Variants in MAN2A2 observed in about 807,000 individuals in gnomAD.
MAN2A2 encodes alpha-mannosidase 2x.
A neutral mutation model predicts 126.8 loss-of-function variants in MAN2A2; 79 were observed. The observed-to-expected ratio is 0.62, with a 90% CI of 0.52 to 0.75. The LOEUF (loss-of-function observed/expected upper bound fraction) is 0.75, where lower values mean the gene tolerates loss of function less well. Among genes scored for constraint, MAN2A2 ranks in the 30% least tolerant of loss-of-function variants. The probability of loss-of-function intolerance (pLI) is 0.00; values close to 1 mark genes in which losing one functional copy is unlikely to be tolerated. For synonymous variants in MAN2A2, 671 were observed against 618.7 expected (o/e 1.08, Z -1.25); for missense variants, 1,392 against 1,522.4 (o/e 0.91, Z 1.43).
At chr15:90,913,571 A>C in intron 18 of MAN2A2, 43 bp from the exon 19 acceptor site, 1 of 1,587,742 alleles carries the variant, frequency 6.3e-7, no homozygotes, top group Non-Finnish European at 8.6e-7. Flanking sequence ...TTGGGCCCAC[A>C]TGGTGCCCGG....
chr15:90,910,438 G>T (rs2034634039), intron 10 of MAN2A2, 63 bp from the exon 11 acceptor site: 1 of 1,593,532 alleles, frequency 6.3e-7, no homozygotes. Flanking sequence ...GGCTGCACTG[G>T]CAGAGTGTGG....
rs2035361084 is a variant in MAN2A2, at chr15:90,918,552, C to G, written c.3190-93C>G. 4.1e-6 allele frequency: 5 copies of G among 1,208,440 alleles called. No homozygotes were observed. The East Asian group carries it at 1.2e-4, about 29-fold the overall frequency. The allele number at this position is 1,208,440 out of a possible 1,614,324, so 74.9% of individuals were successfully genotyped here. On this transcript the variant is annotated intron_variant, in intron 21 of 22. Transcript: ENST00000559717. The stretch of plus-strand genomic sequence containing the variant: ...GGCCTTTCCTTACCCACACGCCTCC[C>G]TGTGCCAGCACTGCCTCTGGGCAGA...
intron 5 of MAN2A2, 123 bp from the exon 6 acceptor site, chr15:90,906,247 C>T (rs1048150756): frequency 7.2e-7 from 1 of 1,391,270 alleles, no homozygotes. Context: ...TGTGTGTTCT[C>T]TTGGTCCTGG....
intron 21 of MAN2A2, 45 bp downstream of exon 21, chr15:90,918,433 G>A (rs1363907368): frequency 1.3e-6 from 2 of 1,580,106 alleles, no homozygotes; most frequent in African/African-American, 1.3e-5. Context: ...AGTTCTGATG[G>A]TGTCCCTCCC....
At chr15:90,913,252 C>T in intron 17 of MAN2A2, 21 bp from the exon 18 acceptor site, 1 of 1,612,774 alleles carries the variant, frequency 6.2e-7, no homozygotes, top group Non-Finnish European at 8.5e-7. Flanking sequence ...GTCCATGCCC[C>T]CACTTTGTTC....
Position 90,916,141 on chromosome 15 carries a change from TG to T in MAN2A2, c.2881del (p.Asp961ThrfsTer4), listed in dbSNP as rs1323928499. ...TCCCCAGGCCAGCTGGAGGTGATCT[TG>T]GACCGGCGGCTGATGCAGGATGACA... ...SLKDGQLEVI[L>X]DRRLMQDDNR... On this transcript the variant is annotated frameshift_variant, in exon 20 of 23. Coordinates refer to ENST00000559717, the MANE Select transcript of MAN2A2 (RefSeq NM_006122.4). LOFTEE classifies it high-confidence loss of function. 6.2e-7 allele frequency: 1 copy of T among 1,613,924 alleles called. No homozygotes were observed. Among genetic ancestry groups the T allele is most frequent in the Non-Finnish European group, 8.5e-7 (1 of 1,180,014 alleles).
intron 20 of MAN2A2, chr15:90,916,616 T>G (rs1596177600): frequency 7.6e-7 from 1 of 1,313,008 alleles, no homozygotes; most frequent in East Asian, 5.0e-5. Flanking sequence ...GGCAGCCATG[T>G]TTAGGGGCTT....
At chr15:90,912,382 C>A in intron 15 of MAN2A2, 103 bp downstream of exon 15, 1 of 1,562,166 alleles carries the variant, frequency 6.4e-7, no homozygotes, top group East Asian at 2.2e-5. Context: ...CATTCTGCCA[C>A]CTGACCCACA....
At position 90,920,265 on chromosome 15, in the gene MAN2A2, A is replaced by T. The variant is rs2035484348; in HGVS notation, c.*478A>T. On this transcript the variant is annotated 3_prime_UTR_variant, in exon 23 of 23. Coordinates refer to ENST00000559717, the MANE Select transcript of MAN2A2 (RefSeq NM_006122.4). ...TGGTGTGATGAGCAGGATCAGAGTG[A>T]CTCTGGGAGGACAGGGGTGGGGACC... The T allele has an allele frequency of 6.4e-6, 1 of 156,092 alleles. No homozygotes were observed. The highest frequency in any genetic ancestry group is 2.4e-5 in the African/African-American group (1 of 41,530). 9.7% of individuals were successfully genotyped at this position (156,092 alleles called of 1,614,324 possible).
intron 20 of MAN2A2, chr15:90,916,707 G>C (rs1443355179): frequency 7.9e-7 from 1 of 1,269,682 alleles, no homozygotes; most frequent in Non-Finnish European, 1.0e-6. Flanking sequence ...GCAAGGTGTA[G>C]CTGCGCCAGA....
chr15:90,918,537 T>C, intron 21 of MAN2A2, 108 bp from the exon 22 acceptor site: 1 of 1,207,064 alleles, frequency 8.3e-7, no homozygotes, highest in Non-Finnish European at 1.2e-6. Context: ...GGCCTTTCCT[T>C]ACCCACACGC....
At position 90,922,454 on chromosome 15, in the gene MAN2A2, G is replaced by A. The variant is rs1202226981; in HGVS notation, c.*2667G>A. 1 of 152,196 alleles carries A rather than the reference G, an allele frequency of 6.6e-6. No homozygotes were observed. Among genetic ancestry groups the A allele is most frequent in the Non-Finnish European group, 1.5e-5 (1 of 68,038 alleles). The allele number at this position is 152,196 out of a possible 1,614,324, so 9.4% of individuals were successfully genotyped here. A position where few individuals can be genotyped will look rare whatever the true frequency, so the allele number is the denominator to read the frequency against. ...ACAAATGTGAGCTATAATCCTACTA[G>A]TAAAGGATGCTAAGCAGTTCCACTG... is the stretch of plus-strand genomic sequence containing the variant. On this transcript the variant is annotated 3_prime_UTR_variant, in exon 23 of 23. Transcript: ENST00000559717.
rs565168683 is a variant in MAN2A2 at position 90,920,064 on chromosome 15, A to G, written c.*277A>G. On this transcript the variant is annotated 3_prime_UTR_variant, in exon 23 of 23. Transcript: ENST00000559717. ...AGGCTCTGCTTTGGGTTGTGAGTGG[A>G]CACCCAACTGGGCACAGGCTCAGGC... is the stretch of plus-strand genomic sequence containing the variant. The G allele has an allele frequency of 2.5e-6, 1 of 395,442 alleles. No homozygotes were observed. The highest frequency in any genetic ancestry group is 3.8e-5 in the South Asian group (1 of 26,348). 24.5% of individuals were successfully genotyped at this position (395,442 alleles called of 1,614,324 possible). A position where few individuals can be genotyped will look rare whatever the true frequency, so the allele number is the denominator to read the frequency against.
chr15:90,912,201 T>A lies in MAN2A2; in HGVS notation c.2268T>A (p.Ile756=), dbSNP rs543590073. ...ACGAAGCGTTTCCTCTCCGTGTCAT[T>A]GACTCTGGCACCAGCGACTTCGCCC... ...SRHEAFPLRV[I]DSGTSDFALS... The change falls in exon 15 of 23, where the codon ATT becomes ATA. Residue 756 remains isoleucine (I), a synonymous_variant. Coordinates refer to ENST00000559717, the MANE Select transcript of MAN2A2 (RefSeq NM_006122.4). 4 of 1,614,174 alleles carry A rather than the reference T, an allele frequency of 2.5e-6. No individual in the cohort carries two copies. The South Asian group carries it at 4.4e-5, about 18-fold the overall frequency.
chr15:90,921,714 T>A lies in MAN2A2; in HGVS notation c.*1927T>A, dbSNP rs2035550349. The A allele has an allele frequency of 6.6e-6, 1 of 152,002 alleles. No homozygotes were observed. Among genetic ancestry groups the A allele is most frequent in the African/African-American group, 2.4e-5 (1 of 41,366 alleles). 9.4% of individuals were successfully genotyped at this position (152,002 alleles called of 1,614,324 possible). On this transcript the variant is annotated 3_prime_UTR_variant, in exon 23 of 23. Transcript: ENST00000559717. ...TGGGTGGATCACTTGAGGTCAGGAGTTCGAGACCAGCCTGGCCAAGATGGC... is the reference window on the plus strand; with the variant it reads ...TGGGTGGATCACTTGAGGTCAGGAGATCGAGACCAGCCTGGCCAAGATGGC...
intron 19 of MAN2A2, chr15:90,915,630 C>A (rs1292249545): frequency 1.3e-5 from 2 of 153,018 alleles, no homozygotes; most frequent in African/African-American, 4.8e-5. Context: ...TTGAGTCTGA[C>A]CTGCTGGGGC....
chr15:90,911,915 C>G (rs1440640473), intron 14 of MAN2A2, 128 bp from the exon 15 acceptor site: 7 of 744,264 alleles, frequency 9.4e-6, no homozygotes, highest in South Asian at 8.3e-5. Context: ...ATCACCTCCA[C>G]TTTGGAGGAG....
rs1469711172 is a variant in MAN2A2 at position 90,906,448 on chromosome 15, A to C, written c.786A>C (p.Ala262=). Residue 262 remains alanine, a synonymous_variant, in exon 6 of 23, where the codon GCA becomes GCC. Coordinates refer to ENST00000559717, the MANE Select transcript of MAN2A2 (RefSeq NM_006122.4). ...ATGAGGCCAATTCCCACTACTTTGC[A>C]TTGATTGACCAGCTCATCGAAGGAC... is the stretch of plus-strand genomic sequence containing the variant. ...MPDEANSHYF[A]LIDQLIEGHQ... The C allele has an allele frequency of 6.2e-7, 1 of 1,614,164 alleles. No homozygotes were observed. Among genetic ancestry groups the C allele is most frequent in the Admixed American group, 1.7e-5 (1 of 60,030 alleles).
Position 90,910,160 on chromosome 15 carries a change from G to C in MAN2A2, c.1445G>C (p.Arg482Pro). 1 of 1,614,096 alleles carries C rather than the reference G, an allele frequency of 6.2e-7. No homozygotes were observed. The highest frequency in any genetic ancestry group is 8.5e-7 in the Non-Finnish European group (1 of 1,180,014). The stretch of plus-strand genomic sequence containing the variant: ...AGGACAGGGGTGGAGCCAGGGGCCC[G>C]GCCTCCAGGGTTTCCTGTGCTGAGC... ...YKRTGVEPGA[R>P]PPGFPVLSGD... The change falls in exon 10 of 23, where the codon CGG (arginine) becomes CCG (proline). Residue 482 changes from arginine to proline, a missense_variant. By Grantham distance (103) the Arg-to-Pro change is moderately radical. Coordinates refer to ENST00000559717, the MANE Select transcript of MAN2A2 (RefSeq NM_006122.4).
Sources: allele counts gnomAD v4.1 joint callset, GRCh38; gene constraint gnomAD v4.1.1; transcripts MANE v1.5; gene names NCBI Gene and HGNC (gene_info 2026-07-23, HGNC 2026-07-21).